Variants in RMDN3 observed in about 807,000 individuals in gnomAD.
The protein encoded by RMDN3 is regulator of microtubule dynamics protein 3.
A neutral mutation model predicts 61.8 loss-of-function variants in RMDN3; 41 were observed. The ratio of observed to expected loss-of-function variants is 0.66; its 90% confidence interval spans 0.52 to 0.86. The LOEUF is 0.86. RMDN3 is among the 40% of genes least tolerant of loss of function. The probability of loss-of-function intolerance (pLI) is 0.00; values close to 1 mark genes in which losing one functional copy is unlikely to be tolerated. For synonymous variants in RMDN3, 247 were observed against 232.0 expected, an observed-to-expected ratio of 1.06 and a Z score of -0.59; for missense variants, 557 against 585.3, an observed-to-expected ratio of 0.95 and a Z score of 0.50.
intron 7 of RMDN3, chr15:40,739,143 T>TC (rs1209883859): frequency 1.3e-5 from 2 of 149,528 alleles, no homozygotes; most frequent in African/African-American, 2.5e-5. Context: ...CTCCCCCACA[T>TC]CCCCCCTCCC....
Position 40,744,169 on chromosome 15 carries a change from G to A in RMDN3, c.808-20C>T, listed in dbSNP as rs374050616. 2.2e-4 allele frequency: 358 copies of A among 1,609,880 alleles called. 1 individual carries two copies. Among genetic ancestry groups the A allele is most frequent in the Non-Finnish European group, 2.6e-4 (312 of 1,177,958 alleles). Reference sequence around the variant, plus strand: ...TCCATACTGCAGACCAGACAGAAACGGGTGAGGCCCCTTTTTCCTCAACTG... The same window carrying A: ...TCCATACTGCAGACCAGACAGAAACAGGTGAGGCCCCTTTTTCCTCAACTG... On this transcript the variant is annotated intron_variant, in intron 5 of 12. Transcript: ENST00000338376.
chr15:40,744,895 G>A (rs1393316111), intron 5 of RMDN3, 82 bp downstream of exon 5: 13 of 1,410,084 alleles, frequency 9.2e-6, no homozygotes, highest in African/African-American at 1.4e-5. Context: ...GTAACCACAC[G>A]GGCCTTCATT....
At chr15:40,744,288 G>A (rs961030959) in intron 5 of RMDN3, 139 bp from the exon 6 acceptor site, 23 of 693,636 alleles carry the variant, frequency 3.3e-5, no homozygotes, top group Middle Eastern at 2.4e-4. Flanking sequence ...GCTCCTACAC[G>A]CAGCCTTCCC....
chr15:40,739,940 A>G (rs2304583), intron 7 of RMDN3, among the ~76,000 whole-genome samples, 193 bp downstream of exon 7: 41,129 of 152,094 alleles, frequency 0.27, 6,505 homozygotes, highest in Middle Eastern at 0.36. Context: ...CCTCATCCCT[A>G]AGCCACCTCC....
rs987878481 is a variant in RMDN3, at chr15:40,738,184, C to T, written c.1048-142G>A. The T allele has an allele frequency of 1.2e-5, 10 of 832,018 alleles. No homozygotes were observed. In the East Asian group the frequency reaches 1.2e-4, roughly 10 times the overall value. The allele number at this position is 832,018 out of a possible 1,614,324, so 51.5% of individuals were successfully genotyped here. A position where few individuals can be genotyped will look rare whatever the true frequency, so the allele number is the denominator to read the frequency against. ...GGTGGATCACCTGAGGTCAGGAGTT[C>T]GAAACCAGTCCTGGCCAACATGGTG... On this transcript the variant is annotated intron_variant, in intron 8 of 12. Coordinates refer to ENST00000338376, the MANE Select transcript of RMDN3 (RefSeq NM_018145.3).
intron 4 of RMDN3, among the ~76,000 whole-genome samples, chr15:40,750,673 A>T (rs1183699480): frequency 1.3e-5 from 2 of 152,184 alleles, no homozygotes; most frequent in East Asian, 3.8e-4. Context: ...CTGATCCAGC[A>T]TAAAACTTGG....
In RMDN3 at chr15:40,745,270, A is replaced by C; in HGVS notation, c.525-11T>G. 1 of 1,612,418 alleles carries C rather than the reference A, an allele frequency of 6.2e-7. No homozygotes were observed. Among genetic ancestry groups the C allele is most frequent in the Non-Finnish European group, 8.5e-7 (1 of 1,179,572 alleles). ...TTGGCTGTTGTGTAACTGGCAGAGA[A>C]ATGTAAGGGACAACAAGAGGATTAT... On this transcript the variant is annotated splice_polypyrimidine_tract_variant and intron_variant, in intron 4 of 12. Coordinates refer to ENST00000338376, the MANE Select transcript of RMDN3 (RefSeq NM_018145.3).
At chr15:40,744,004 G>A (rs751386085) in intron 6 of RMDN3, 43 bp downstream of exon 6, 4 of 1,545,286 alleles carry the variant, frequency 2.6e-6, no homozygotes, top group Middle Eastern at 1.7e-4. Context: ...CCCCACCCCT[G>A]AATCAGTCAG....
chr15:40,752,905 C>G (rs1897887952), intron 2 of RMDN3, among the ~76,000 whole-genome samples: 1 of 152,146 alleles, frequency 6.6e-6, no homozygotes. Context: ...GCATAAATCC[C>G]TTCTTAAAGG....
chr15:40,739,161 A>ACCAG (rs1274611644), intron 7 of RMDN3: 1 of 151,872 alleles, frequency 6.6e-6, no homozygotes, highest in Non-Finnish European at 1.5e-5. Context: ...CCCAAAGGGA[A>ACCAG]CCAGCCAGCC....
intron 8 of RMDN3, among the ~76,000 whole-genome samples, chr15:40,738,261 G>GCCTGTAATC (rs1355042177): frequency 6.6e-6 from 1 of 152,166 alleles, no homozygotes; most frequent in Non-Finnish European, 1.5e-5. Flanking sequence ...GGTGGTACAT[G>GCCTGTAATC]CCTGTAATCC....
intron 5 of RMDN3, among the ~76,000 whole-genome samples, chr15:40,744,506 G>C (rs142214648): frequency 3.7e-4 from 56 of 151,930 alleles, no homozygotes; most frequent in African/African-American, 1.2e-3. Flanking sequence ...CTTCTGGGGG[G>C]GGGGCATTTA....
Position 40,736,999 on chromosome 15 carries a change from G to T in RMDN3, c.1359+125C>A, listed in dbSNP as rs1314249189. 17 of 789,712 alleles carry T rather than the reference G, an allele frequency of 2.2e-5. No homozygotes were observed. The Middle Eastern group carries it at 1.5e-3, about 68-fold the overall frequency. The allele number at this position is 789,712 out of a possible 1,614,324, so 48.9% of individuals were successfully genotyped here. On this transcript the variant is annotated intron_variant, in intron 12 of 12. Transcript: ENST00000338376. ...TTCCCGAGTAGCTGGAATTATAGGCGTGCGCCACTAGGCCCAACTAATTTT... is the reference window on the plus strand; with the variant it reads ...TTCCCGAGTAGCTGGAATTATAGGCTTGCGCCACTAGGCCCAACTAATTTT...
At position 40,737,724 on chromosome 15, in the gene RMDN3, G is replaced by A. The variant is rs771730317; in HGVS notation, c.1128C>T (p.Val376=). Residue 376 remains valine (V), a splice_region_variant and synonymous_variant, in exon 10 of 13, where the codon GTC becomes GTT. Coordinates refer to ENST00000338376, the MANE Select transcript of RMDN3 (RefSeq NM_018145.3). ...TTTTTTCTAGCCAGCTCAGGTGAGA[G>A]ACCTGCCACAAAAAGATCAAGGTGT... ...HFLLGRWCYQ[V]SHLSWLEKKT... is the part of the protein sequence containing the mutation. 6 of 1,611,478 alleles carry A rather than the reference G, an allele frequency of 3.7e-6. No individual in the cohort carries two copies. The highest frequency in any genetic ancestry group is 3.4e-5 in the Admixed American group (2 of 59,444).
rs1897034187 is a variant in RMDN3, at chr15:40,736,202, T to G, written c.*339A>C. 1 of 311,342 alleles carries G rather than the reference T, an allele frequency of 3.2e-6. No individual in the cohort carries two copies. Among genetic ancestry groups the G allele is most frequent in the Non-Finnish European group, 5.9e-6 (1 of 170,786 alleles). 19.3% of individuals were successfully genotyped at this position (311,342 alleles called of 1,614,324 possible). ...AGTGACAAGTTATGTGCTTTGTTCC[T>G]ATAGCTTTGAAGTTCATCCACCTCA... On this transcript the variant is annotated 3_prime_UTR_variant, in exon 13 of 13. Coordinates refer to ENST00000338376, the MANE Select transcript of RMDN3 (RefSeq NM_018145.3).
At chr15:40,746,878 G>GA (rs199761058) in intron 4 of RMDN3, among the ~76,000 whole-genome samples, 2,157 of 140,538 alleles carry the variant, frequency 0.015, 26 homozygotes, top group South Asian at 0.066. Flanking sequence ...TTAGTTATTA[G>GA]AAAAAAAAAA....
At chr15:40,755,014 G>A (rs1897987107) in intron 1 of RMDN3, 69 bp downstream of exon 1, 1 of 499,830 alleles carries the variant, frequency 2.0e-6, no homozygotes, top group East Asian at 3.5e-5. Flanking sequence ...CAGCCTGGAC[G>A]TAGCCGCCCC....
rs560499747 is a variant in RMDN3, at chr15:40,739,800, G to C, written c.971+333C>G. 3.8e-4 allele frequency: 120 copies of C among 317,624 alleles called. 2 individuals are homozygous for C. The South Asian group carries it at 5.1e-3, about 13-fold the overall frequency. The allele number at this position is 317,624 out of a possible 1,614,324, so 19.7% of individuals were successfully genotyped here. A position where few individuals can be genotyped will look rare whatever the true frequency, so the allele number is the denominator to read the frequency against. On this transcript the variant is annotated intron_variant, in intron 7 of 12. Transcript: ENST00000338376. ...GCAGGGGAAAGAAGAGCTTATGCAG[G>C]ATAGGGGAGCTGCAGATTGTCCCAG... is the stretch of plus-strand genomic sequence containing the variant.
At chr15:40,745,736 C>T (rs561288460) in intron 4 of RMDN3, among the ~76,000 whole-genome samples, 195 of 152,256 alleles carry the variant, frequency 1.3e-3, no homozygotes, top group African/African-American at 4.5e-3. Context: ...AAGGAAAGAG[C>T]AGACAACCAG....
Sources: allele counts gnomAD v4.1 joint callset (sites outside exome capture counted in the v4.1 genomes callset), GRCh38; gene constraint gnomAD v4.1.1; transcripts MANE v1.5; gene names NCBI Gene and HGNC (gene_info 2026-07-23, HGNC 2026-07-21).